The following LYZL1 variants were observed in gnomAD, a reference collection of about 807,000 sequenced individuals.
LYZL1 encodes lysozyme like 1.
LYZL1 carries 16 observed loss-of-function variants against 17.9 expected under a neutral mutation model. The ratio of observed to expected loss-of-function variants is 0.90; its 90% CI spans 0.61 to 1.36. The LOEUF (loss-of-function observed/expected upper bound fraction) is 1.36, where lower values mean the gene tolerates loss of function less well. LYZL1 is among the 40% of genes most tolerant of loss of function. The pLI, the probability that LYZL1 is intolerant of heterozygous loss-of-function variation, is 0.00. For synonymous variants in LYZL1, 58 were observed against 71.8 expected (o/e 0.81, Z 0.97); for missense variants, 149 against 188.4 (o/e 0.79, Z 1.22).
At chr10:29,302,649 C>T (rs187691855) in intron 3 of LYZL1, among the ~76,000 whole-genome samples, 43 of 152,272 alleles carry the variant, frequency 2.8e-4, no homozygotes, top group African/African-American at 8.9e-4. Flanking sequence ...AGTCAAAATG[C>T]GCATGTTCCC....
At chr10:29,309,607 G>A (rs750636090) in intron 3 of LYZL1, among the ~76,000 whole-genome samples, 8 of 151,826 alleles carry the variant, frequency 5.3e-5, no homozygotes, top group African/African-American at 1.5e-4. Context: ...AGTGATCCTC[G>A]CACTTCAGGC....
chr10:29,300,040 A>G lies in LYZL1; in HGVS notation c.298+7363A>G, dbSNP rs550006222. ...CGCAGCCATAGAAAGTATGTAAATG[A>G]ATGGGACTGGCTGTGTTCCAATAAG... On this transcript the variant is annotated intron_variant, in intron 3 of 4. Coordinates refer to ENST00000649382, the MANE Select transcript of LYZL1 (RefSeq NM_032517.6). 1.6e-4 allele frequency among the ~76,000 whole-genome samples: 24 copies of G among 152,322 alleles called. No individual in the cohort carries two copies. In the South Asian group the frequency reaches 4.4e-3, roughly 28 times the overall value.
At chr10:29,291,674 T>G (rs397833496) in intron 1 of LYZL1, among the ~76,000 whole-genome samples, 169 bp from the exon 2 acceptor site, 543 of 149,958 alleles carry the variant, frequency 3.6e-3, no homozygotes, top group East Asian at 7.8e-3. Flanking sequence ...GAAACAGCCT[T>G]CAGTTGCCTT....
chr10:29,302,552 G>T (rs566110970), intron 3 of LYZL1, among the ~76,000 whole-genome samples: 1 of 152,154 alleles, frequency 6.6e-6, no homozygotes, highest in African/African-American at 2.4e-5. Context: ...TTCATATGTC[G>T]CATGTCTCAT....
At chr10:29,293,909 G>T (rs1319776394) in intron 3 of LYZL1, among the ~76,000 whole-genome samples, 1 of 152,150 alleles carries the variant, frequency 6.6e-6, no homozygotes. Flanking sequence ...GGGAGGTGGA[G>T]GTTGCAGTGA....
intron 3 of LYZL1, among the ~76,000 whole-genome samples, chr10:29,303,067 CG>C (rs1413371639): frequency 6.6e-6 from 1 of 152,158 alleles, no homozygotes; most frequent in African/African-American, 2.4e-5. Flanking sequence ...CTTCCAGCCC[CG>C]CGAGGTCTGT....
At chr10:29,315,752 G>A (rs1835722835), downstream of LYZL1, among the ~76,000 whole-genome samples, 1 of 151,842 alleles carries the variant, frequency 6.6e-6, no homozygotes, top group African/African-American at 2.4e-5. Context: ...GGGAGGCTGA[G>A]GTGGGAGGAT....
intron 3 of LYZL1, among the ~76,000 whole-genome samples, chr10:29,316,605 A>T (rs1835732763): frequency 6.6e-6 from 1 of 152,156 alleles, no homozygotes. Context: ...TGTAGAATAG[A>T]TAGAAAATAA....
intron 3 of LYZL1, among the ~76,000 whole-genome samples, chr10:29,307,274 T>TC (rs1263759634): frequency 3.3e-5 from 5 of 152,226 alleles, no homozygotes; most frequent in African/African-American, 1.2e-4. Context: ...CATCAGCGTC[T>TC]CCCCATTTTC....
At chr10:29,313,722 T>C (rs1835698769), downstream of LYZL1, among the ~76,000 whole-genome samples, 1 of 152,252 alleles carries the variant, frequency 6.6e-6, no homozygotes, top group African/African-American at 2.4e-5. Context: ...TGAATACTTC[T>C]ATGCCTGAGT....
chr10:29,292,981 G>A (rs1281371745), intron 3 of LYZL1, among the ~76,000 whole-genome samples: 2 of 152,272 alleles, frequency 1.3e-5, no homozygotes, highest in Non-Finnish European at 2.9e-5. Context: ...GTAAGAAAAA[G>A]GAAGCTGCCT....
exon 5 of LYZL1, chr10:29,318,281 T>TGG: frequency 1.4e-6 from 1 of 690,006 alleles, no homozygotes; most frequent in Non-Finnish European, 1.8e-6. Flanking sequence ...AATCTATACT[T>TGG]GCCTTGAGAA....
rs1835451909 is a variant in LYZL1 at position 29,296,805 on chromosome 10, T to C, written c.298+4128T>C. Among the ~76,000 whole-genome samples, 4 of 152,166 alleles carry C rather than the reference T, an allele frequency of 2.6e-5. No individual in the cohort carries two copies. The South Asian group carries it at 8.3e-4, about 32-fold the overall frequency. On this transcript the variant is annotated intron_variant, in intron 3 of 4. Transcript: ENST00000649382. ...GTGAACAAGACTGGTCAAACCTCCC[T>C]GCAGTGAGATCCACAGTTGAAAATC...
intron 3 of LYZL1, among the ~76,000 whole-genome samples, chr10:29,302,508 C>T (rs4747648): frequency 0.22 from 33,415 of 152,044 alleles, 3,724 homozygotes; most frequent in Admixed American, 0.29. Context: ...GGGCGGTCCT[C>T]TTCGTGCATT....
chr10:29,308,749 C>T (rs147554805), intron 3 of LYZL1, among the ~76,000 whole-genome samples: 65 of 152,246 alleles, frequency 4.3e-4, no homozygotes, highest in African/African-American at 1.5e-3. Context: ...ACTTGATCCC[C>T]AGAGTTCAAG....
chr10:29,303,958 G>A (rs1016261957), intron 3 of LYZL1, among the ~76,000 whole-genome samples: 1 of 152,030 alleles, frequency 6.6e-6, no homozygotes, highest in Non-Finnish European at 1.5e-5. Flanking sequence ...AGGGGGTCTC[G>A]CCATGTTGCC....
At chr10:29,312,377 AT>A (rs59167356), downstream of LYZL1, among the ~76,000 whole-genome samples, 1,715 of 140,624 alleles carry the variant, frequency 0.012, 27 homozygotes, top group African/African-American at 0.035. Flanking sequence ...GCATTATGAG[AT>A]TTTTTTTTTT....
chr10:29,314,039 T>C (rs979563477), downstream of LYZL1, among the ~76,000 whole-genome samples: 3 of 152,214 alleles, frequency 2.0e-5, no homozygotes, highest in African/African-American at 7.2e-5. Context: ...GTCTGGTCTG[T>C]GATTTTCCCT....
chr10:29,293,400 T>A (rs117553204), intron 3 of LYZL1, among the ~76,000 whole-genome samples: 12,914 of 151,944 alleles, frequency 0.085, 750 homozygotes, highest in Non-Finnish European at 0.13. Flanking sequence ...CCTCTCAGAG[T>A]GCTATAGTTA....
Sources: gnomAD v4.1 joint callset for allele counts (sites outside exome capture counted in the v4.1 genomes callset) on GRCh38, gnomAD v4.1.1 for gene constraint, MANE v1.5 for transcripts, NCBI Gene and HGNC (gene_info 2026-07-23, HGNC 2026-07-21) for gene names.